The following OR6C2 variants were observed in gnomAD, a reference collection of about 807,000 sequenced individuals.
OR6C2 encodes the protein olfactory receptor 6C2.
For missense variants in OR6C2, 435 were observed against 365.8 expected (o/e 1.19, Z -1.54); for synonymous variants, 146 against 134.2 (o/e 1.09, Z -0.61).
chr12:55,445,380 C>T (rs1320450969), intron 1 of OR6C2, among the ~76,000 whole-genome samples: 1 of 152,086 alleles, frequency 6.6e-6, no homozygotes, highest in Non-Finnish European at 1.5e-5. Flanking sequence ...TTTTCCCAGG[C>T]CCAGAAGACT....
In OR6C2 at chr12:55,452,710, T is replaced by G; in HGVS notation, c.497T>G (p.Phe166Cys). ...PPLSLGLQLE[F>C]CDSNAIDHFS... ...CTTAGCTTAGGCCTCCAGCTCGAAT[T>G]CTGTGACTCCAATGCCATTGATCAT... The change falls in exon 2 of 2, where the codon TTC (phenylalanine) becomes TGC (cysteine). Residue 166 changes from phenylalanine (F) to cysteine (C), a missense_variant. Coordinates refer to ENST00000641202, the MANE Select transcript of OR6C2 (RefSeq NM_054105.2). 6.2e-7 allele frequency: 1 copy of G among 1,613,834 alleles called. No homozygotes were observed.
rs920714308 is a variant in OR6C2, at chr12:55,448,929, T to C, written c.-887-2398T>C. 5.9e-5 allele frequency among the ~76,000 whole-genome samples: 9 copies of C among 152,102 alleles called. No individual in the cohort carries two copies. The East Asian group carries it at 1.2e-3, about 20-fold the overall frequency. On this transcript the variant is annotated intron_variant, in intron 1 of 1. Transcript: ENST00000641202. ...GTTCATATTTCTTTATGCTAAGTAT[T>C]TTTGTTTCTCTAAAAACACTCCTCA...
intron 1 of OR6C2, among the ~76,000 whole-genome samples, chr12:55,448,054 G>GAT: frequency 6.6e-6 from 1 of 152,006 alleles, no homozygotes; most frequent in Non-Finnish European, 1.5e-5. Flanking sequence ...TGTGTGAGGT[G>GAT]ATATCTCATT....
chr12:55,453,284 A>C lies in OR6C2; in HGVS notation c.*132A>C. 1.6e-6 allele frequency: 1 copy of C among 620,904 alleles called. No homozygotes were observed. Among genetic ancestry groups the C allele is most frequent in the Non-Finnish European group, 2.8e-6 (1 of 357,592 alleles). 38.5% of individuals were successfully genotyped at this position (620,904 alleles called of 1,614,324 possible). A position where few individuals can be genotyped will look rare whatever the true frequency, so the allele number is the denominator to read the frequency against. On this transcript the variant is annotated 3_prime_UTR_variant, in exon 2 of 2. Transcript: ENST00000641202. Reference sequence around the variant, plus strand: ...CCTTCTCAATGACATTTAATATTGCATCCTAATCCCATCTTTATCAAAATC... The same window carrying C: ...CCTTCTCAATGACATTTAATATTGCCTCCTAATCCCATCTTTATCAAAATC...
At chr12:55,447,291 G>GT (rs1289470124) in intron 1 of OR6C2, among the ~76,000 whole-genome samples, 1 of 150,224 alleles carries the variant, frequency 6.7e-6, no homozygotes, top group East Asian at 1.9e-4. Flanking sequence ...TGAGTCTTAA[G>GT]TTAGTTTTCT....
intron 1 of OR6C2, among the ~76,000 whole-genome samples, chr12:55,444,633 T>C (rs780608142): frequency 1.3e-5 from 2 of 152,284 alleles, no homozygotes; most frequent in Non-Finnish European, 2.9e-5. Context: ...TTGCTCATGA[T>C]GCACTGCACT....
intron 1 of OR6C2, among the ~76,000 whole-genome samples, chr12:55,445,241 C>T (rs1053260758): frequency 2.6e-5 from 4 of 152,132 alleles, no homozygotes; most frequent in African/African-American, 9.7e-5. Context: ...TCTCTCTTAA[C>T]AGATTTGTAT....
chr12:55,452,908 G>A lies in OR6C2; in HGVS notation c.695G>A (p.Arg232Lys), dbSNP rs1378761979. 6 of 1,613,742 alleles carry A rather than the reference G, an allele frequency of 3.7e-6. No individual in the cohort carries two copies. Among genetic ancestry groups the A allele is most frequent in the Non-Finnish European group, 5.1e-6 (6 of 1,179,770 alleles). ...TILKFPSVQQRKKAFSTCSSH... is the reference protein window; with the variant it reads ...TILKFPSVQQKKKAFSTCSSH... ...CTGAAGTTCCCTTCTGTTCAGCAAA[G>A]GAAAAAGGCCTTTTCTACCTGTTCA... Residue 232 changes from arginine (R) to lysine (K), a missense_variant, in exon 2 of 2, where the codon AGG (arginine) becomes AAG (lysine). Coordinates refer to ENST00000641202, the MANE Select transcript of OR6C2 (RefSeq NM_054105.2).
chr12:55,447,319 T>C (rs1871381214), intron 1 of OR6C2, among the ~76,000 whole-genome samples: 1 of 131,398 alleles, frequency 7.6e-6, no homozygotes, highest in Admixed American at 8.0e-5. Context: ...TTTTTAGTTT[T>C]TGGGTTTTTT....
At position 55,453,331 on chromosome 12, in the gene OR6C2, C is replaced by T. The variant is rs1871530855; in HGVS notation, c.*179C>T. ...AATCCTTATTATTTCGAACCAAGGTCATACATTGTGTTTTCCCTCATTGTG... is the reference window on the plus strand; with the variant it reads ...AATCCTTATTATTTCGAACCAAGGTTATACATTGTGTTTTCCCTCATTGTG... On this transcript the variant is annotated 3_prime_UTR_variant, in exon 2 of 2. Coordinates refer to ENST00000641202, the MANE Select transcript of OR6C2 (RefSeq NM_054105.2). 2 of 551,268 alleles carry T rather than the reference C, an allele frequency of 3.6e-6. No individual in the cohort carries two copies. The highest frequency in any genetic ancestry group is 5.2e-5 in the South Asian group (2 of 38,098). The allele number at this position is 551,268 out of a possible 1,614,324, so 34.1% of individuals were successfully genotyped here. A position where few individuals can be genotyped will look rare whatever the true frequency, so the allele number is the denominator to read the frequency against.
In OR6C2 at chr12:55,446,753, A is replaced by G. The variant is rs145545505; in HGVS notation, c.-888+2594A>G. The stretch of plus-strand genomic sequence containing the variant: ...CACTTGTCACAACTTGTCTTCTGAA[A>G]AAGAGGAAGATATATTCACTCTTAG... On this transcript the variant is annotated intron_variant, in intron 1 of 1. Transcript: ENST00000641202. 2.7e-3 allele frequency among the ~76,000 whole-genome samples: 410 copies of G among 152,316 alleles called. 4 individuals are homozygous for G. The highest frequency in any genetic ancestry group is 4.9e-3 in the Non-Finnish European group (336 of 68,034).
At chr12:55,445,483 A>G (rs897775920) in intron 1 of OR6C2, among the ~76,000 whole-genome samples, 7 of 152,240 alleles carry the variant, frequency 4.6e-5, no homozygotes, top group Non-Finnish European at 1.0e-4. Flanking sequence ...ATACAATTTC[A>G]TTGAGTGATG....
chr12:55,448,773 T>C (rs1321885775), intron 1 of OR6C2, among the ~76,000 whole-genome samples: 3 of 151,708 alleles, frequency 2.0e-5, no homozygotes, highest in Non-Finnish European at 4.4e-5. Flanking sequence ...GGTGGACTGA[T>C]GTACTGGAAA....
At chr12:55,446,677 T>C (rs2120676184) in intron 1 of OR6C2, among the ~76,000 whole-genome samples, 1 of 152,066 alleles carries the variant, frequency 6.6e-6, no homozygotes. Flanking sequence ...AAAAAGAGGT[T>C]GGGAATTTAG....
At chr12:55,450,876 G>A (rs1052938267) in intron 1 of OR6C2, among the ~76,000 whole-genome samples, 1 of 152,012 alleles carries the variant, frequency 6.6e-6, no homozygotes, top group Non-Finnish European at 1.5e-5. Context: ...GCAATTACAG[G>A]CAGGATTAAA....
At chr12:55,450,177 G>A (rs1871440921) in intron 1 of OR6C2, among the ~76,000 whole-genome samples, 2 of 152,030 alleles carry the variant, frequency 1.3e-5, no homozygotes, top group South Asian at 4.1e-4. Flanking sequence ...ATAGTGAAGA[G>A]TATAATACAA....
At position 55,448,660 on chromosome 12, in the gene OR6C2, GAAAGA is replaced by G. The variant is rs1197485720; in HGVS notation, c.-887-2653_-887-2649del. Among the ~76,000 whole-genome samples, 13 of 77,812 alleles carry G rather than the reference GAAAGA, an allele frequency of 1.7e-4. No homozygotes were observed. The East Asian group carries it at 2.8e-3, about 17-fold the overall frequency. 51.0% of individuals were successfully genotyped at this position (77,812 alleles called of 152,430 possible). Reference sequence around the variant, plus strand: ...ATTCACTGCAAAAAAAAAAAAAAAAGAAAGAAAAGAAAAGAAAAAAGAAATATACT... The same window carrying G: ...ATTCACTGCAAAAAAAAAAAAAAAAGAAAGAAAAGAAAAAAGAAATATACT... On this transcript the variant is annotated intron_variant, in intron 1 of 1. Transcript: ENST00000641202.
At position 55,452,748 on chromosome 12, in the gene OR6C2, G is replaced by A. The variant is rs1466999341; in HGVS notation, c.535G>A (p.Ala179Thr). 4 of 1,613,798 alleles carry A rather than the reference G, an allele frequency of 2.5e-6. No individual in the cohort carries two copies. In the Admixed American group the frequency reaches 6.7e-5, roughly 27 times the overall value. The part of the protein sequence containing the change: ...SNAIDHFSCD[A>T]GPLLKISCSD... ...TGCCATTGATCATTTTAGCTGTGAT[G>A]CAGGTCCTCTCCTAAAGATCTCATG... is the stretch of plus-strand genomic sequence containing the variant. Residue 179 changes from alanine (A) to threonine (T), a missense_variant, in exon 2 of 2, where the codon GCA becomes ACA. Transcript: ENST00000641202.
rs1871474918 is a variant in OR6C2, at chr12:55,451,673, A to G, written c.-541A>G. On this transcript the variant is annotated 5_prime_UTR_variant, in exon 2 of 2. It adds an upstream start codon to the 5' untranslated region. Coordinates refer to ENST00000641202, the MANE Select transcript of OR6C2 (RefSeq NM_054105.2). ...ATAAGGAATGCCAGCAGAGAAGAATAAAAAGACCGGGGAAAGGCTCAGGGA... is the reference window on the plus strand; with the variant it reads ...ATAAGGAATGCCAGCAGAGAAGAATGAAAAGACCGGGGAAAGGCTCAGGGA... 6.6e-6 allele frequency: 1 copy of G among 152,202 alleles called. No individual in the cohort carries two copies. The highest frequency in any genetic ancestry group is 1.5e-5 in the Non-Finnish European group (1 of 68,062). 9.4% of individuals were successfully genotyped at this position (152,202 alleles called of 1,614,324 possible). A position where few individuals can be genotyped will look rare whatever the true frequency, so the allele number is the denominator to read the frequency against.
Sources: allele counts gnomAD v4.1 joint callset (sites outside exome capture counted in the v4.1 genomes callset), GRCh38; gene constraint gnomAD v4.1.1; transcripts MANE v1.5; gene names NCBI Gene and HGNC (gene_info 2026-07-23, HGNC 2026-07-21).